Variants in POLN observed in about 807,000 individuals in gnomAD.
POLN encodes the protein DNA polymerase N.
In POLN, 108 loss-of-function variants were observed where a neutral mutation model predicts 113.5. The observed-to-expected ratio is 0.95, with a 90% confidence interval of 0.81 to 1.12. The LOEUF is 1.12. Ranked by LOEUF, POLN falls within the 50% of genes most tolerant of loss-of-function variation. The pLI is 0.00. For synonymous variants in POLN, 386 were observed against 391.5 expected, an observed-to-expected ratio of 0.99 and a Z score of 0.17; for missense variants, 1,097 against 1,077.1, an observed-to-expected ratio of 1.02 and a Z score of -0.26.
intron 19 of POLN, among the ~76,000 whole-genome samples, chr4:2,105,612 A>G (rs1731045991): frequency 6.6e-6 from 1 of 152,126 alleles, no homozygotes; most frequent in Non-Finnish European, 1.5e-5. Flanking sequence ...AAGACCCAAG[A>G]ATGTGAGCTC....
chr4:2,190,416 C>T (rs1733410592), intron 7 of POLN, among the ~76,000 whole-genome samples: 1 of 151,394 alleles, frequency 6.6e-6, no homozygotes, highest in Non-Finnish European at 1.5e-5. Flanking sequence ...AGACCTGAAA[C>T]TATGAAACAT....
chr4:2,091,674 G>C (rs75054899), intron 20 of POLN, among the ~76,000 whole-genome samples: 3 of 151,896 alleles, frequency 2.0e-5, no homozygotes, highest in Non-Finnish European at 4.4e-5. Flanking sequence ...GGGACACTAA[G>C]TACTCCATAC....
chr4:2,193,554 G>C (rs888437270), intron 6 of POLN, among the ~76,000 whole-genome samples: 5 of 151,998 alleles, frequency 3.3e-5, no homozygotes. Context: ...CTTATCCCTG[G>C]GAAACACCCC....
intron 2 of POLN, chr4:2,232,089 A>C: frequency 6.2e-7 from 1 of 1,604,824 alleles, no homozygotes. Context: ...TCACATCAGC[A>C]AGAATATCAG....
rs1732908181 is a variant in POLN, at chr4:2,173,208, T to C, written c.1374+747A>G. ...AAAGCACACAGGACTCTGGAAAGTC[T>C]GTGCTTTGAACCAGGTGATGGTTAT... On this transcript the variant is annotated intron_variant, in intron 11 of 25. Transcript: ENST00000511885. 1.3e-5 allele frequency among the ~76,000 whole-genome samples: 2 copies of C among 152,226 alleles called. 1 individual carries two copies. The highest frequency in any genetic ancestry group is 4.1e-4 in the South Asian group (2 of 4,838).
intron 16 of POLN, among the ~76,000 whole-genome samples, chr4:2,155,552 C>T (rs1732403213): frequency 6.6e-6 from 1 of 152,152 alleles, no homozygotes; most frequent in African/African-American, 2.4e-5. Flanking sequence ...AAGGCCTGAC[C>T]CTTAATGGAG....
At chr4:2,079,024 G>A (rs751844382) in intron 23 of POLN, 6 of 689,872 alleles carry the variant, frequency 8.7e-6, no homozygotes, top group Admixed American at 6.3e-5. Flanking sequence ...TGAACTCCCA[G>A]GCTCAGGTGA....
intron 13 of POLN, among the ~76,000 whole-genome samples, chr4:2,162,564 C>T (rs1241837609): frequency 6.6e-6 from 1 of 152,202 alleles, no homozygotes; most frequent in Non-Finnish European, 1.5e-5. Context: ...TCAAGCTATC[C>T]TCCTGCCTCA....
At chr4:2,136,398 T>C (rs779172032) in intron 16 of POLN, among the ~76,000 whole-genome samples, 3 of 152,220 alleles carry the variant, frequency 2.0e-5, no homozygotes, top group Non-Finnish European at 4.4e-5. Context: ...TCAGCCCTCA[T>C]GGGTTGCTCT....
intron 21 of POLN, among the ~76,000 whole-genome samples, chr4:2,081,979 G>C (rs1730433716): frequency 7.9e-6 from 1 of 126,182 alleles, no homozygotes; most frequent in Non-Finnish European, 1.6e-5. Context: ...TTTTGAGACA[G>C]AGTGAGACTC....
chr4:2,226,977 G>C (rs1361249072), intron 3 of POLN, among the ~76,000 whole-genome samples: 1 of 152,186 alleles, frequency 6.6e-6, no homozygotes, highest in African/African-American at 2.4e-5. Flanking sequence ...TATGATGAAG[G>C]AATAAAACTG....
At chr4:2,231,115 G>A (rs907036347) in intron 2 of POLN, 1 of 152,132 alleles carries the variant, frequency 6.6e-6, no homozygotes, top group Non-Finnish European at 1.5e-5. Context: ...GGCAGGCCAA[G>A]GAAGTCCTAA....
chr4:2,187,502 C>T (rs1199250024), intron 7 of POLN, among the ~76,000 whole-genome samples: 6 of 152,162 alleles, frequency 3.9e-5, no homozygotes, highest in Admixed American at 3.3e-4. Context: ...CCTCAGTCTC[C>T]CAAAGTGCTG....
At chr4:2,217,672 C>A (rs974815410) in intron 3 of POLN, among the ~76,000 whole-genome samples, 1 of 152,250 alleles carries the variant, frequency 6.6e-6, no homozygotes, top group Admixed American at 6.5e-5. Flanking sequence ...CATTGCCTTG[C>A]TCCAGAGTTC....
At chr4:2,084,573 C>T (rs1452312115) in intron 21 of POLN, among the ~76,000 whole-genome samples, 2 of 152,250 alleles carry the variant, frequency 1.3e-5, no homozygotes, top group Non-Finnish European at 2.9e-5. Flanking sequence ...CCCACCTGCC[C>T]GTCTGCTGTG....
At chr4:2,216,421 T>C (rs1734114366) in intron 3 of POLN, among the ~76,000 whole-genome samples, 1 of 152,188 alleles carries the variant, frequency 6.6e-6, no homozygotes, top group African/African-American at 2.4e-5. Flanking sequence ...TGGTTAGTGA[T>C]TTGCAGTGCA....
At chr4:2,164,802 C>CA (rs33935159) in intron 13 of POLN, among the ~76,000 whole-genome samples, 1 of 28,722 alleles carries the variant, frequency 3.5e-5, no homozygotes, top group Non-Finnish European at 6.9e-5. Flanking sequence ...GACTCTGTCT[C>CA]AAAAAAAAAA....
rs201150865 is a variant in POLN, at chr4:2,238,724, T to C, written c.-13+2796A>G. The C allele has an allele frequency of 3.2e-5, 52 of 1,613,712 alleles. 1 individual carries two copies. Among genetic ancestry groups the C allele is most frequent in the Non-Finnish European group, 1.4e-5 (17 of 1,179,834 alleles). ...CATCATGTTACTTTGACTAAGTTCTTGAACCAAATTTTCAAGTTGACGATA... is the reference window on the plus strand; with the variant it reads ...CATCATGTTACTTTGACTAAGTTCTCGAACCAAATTTTCAAGTTGACGATA... On this transcript the variant is annotated intron_variant, in intron 2 of 25. Transcript: ENST00000511885.
chr4:2,193,603 A>T (rs1471644559), intron 6 of POLN, among the ~76,000 whole-genome samples: 1 of 152,172 alleles, frequency 6.6e-6, no homozygotes, highest in African/African-American at 2.4e-5. Flanking sequence ...TGAGCAAAGT[A>T]CACCTACTCT....
Sources: allele counts gnomAD v4.1 joint callset (sites outside exome capture counted in the v4.1 genomes callset), GRCh38; gene constraint gnomAD v4.1.1; transcripts MANE v1.5; gene names NCBI Gene and HGNC (gene_info 2026-07-23, HGNC 2026-07-21).